Variants in GARIN1A observed in about 807,000 individuals in gnomAD.
The protein encoded by GARIN1A is Golgi-associated RAB2 interactor protein 1A.
At chr7:128,682,048 T>G in the GARIN1A span, among the ~76,000 whole-genome samples, 1 of 152,190 alleles carries the variant, frequency 6.6e-6, no homozygotes. Flanking sequence ...TCAGGAATCA[T>G]CCTCTCATAT....
the GARIN1A span, among the ~76,000 whole-genome samples, chr7:128,694,419 A>G: frequency 6.6e-6 from 1 of 151,786 alleles, no homozygotes; most frequent in South Asian, 2.1e-4. Flanking sequence ...TGTAATCCCA[A>G]CTACTCGGGA....
At chr7:128,672,948 T>A in the GARIN1A span, among the ~76,000 whole-genome samples, 10 of 152,170 alleles carry the variant, frequency 6.6e-5, no homozygotes, top group Non-Finnish European at 1.3e-4. Context: ...AACAGCCTTG[T>A]TTGAAAGCAA....
the GARIN1A span, among the ~76,000 whole-genome samples, chr7:128,706,219 TC>T: frequency 6.6e-6 from 1 of 152,198 alleles, no homozygotes; most frequent in Admixed American, 6.5e-5. Context: ...TTCCTTCCTT[TC>T]TGGCAAACAA....
the GARIN1A span, among the ~76,000 whole-genome samples, chr7:128,695,815 A>G: frequency 1.3e-5 from 2 of 152,200 alleles, no homozygotes; most frequent in Non-Finnish European, 2.9e-5. This position sits in a 1 kb window ranked among gnomAD's most constrained non-coding sequence, Gnocchi z 4.5. Flanking sequence ...AAGTGTTGAG[A>G]TTACAGGTGT....
chr7:128,707,645 G>T, the GARIN1A span, among the ~76,000 whole-genome samples: 2 of 152,114 alleles, frequency 1.3e-5, no homozygotes, highest in African/African-American at 4.8e-5. Flanking sequence ...TAGAGATGGG[G>T]TCTCACTATG....
the GARIN1A span, among the ~76,000 whole-genome samples, chr7:128,678,278 C>T: frequency 1.3e-5 from 2 of 152,036 alleles, no homozygotes; most frequent in Non-Finnish European, 2.9e-5. Context: ...ACCTTGGCCT[C>T]CCAAAGTGCT....
chr7:128,679,632 T>C, the GARIN1A span, among the ~76,000 whole-genome samples: 3 of 152,194 alleles, frequency 2.0e-5, no homozygotes, highest in Non-Finnish European at 4.4e-5. Flanking sequence ...CTGCTTGGTG[T>C]AGAAGCACAG....
At chr7:128,689,481 C>T in the GARIN1A span, among the ~76,000 whole-genome samples, 1 of 151,214 alleles carries the variant, frequency 6.6e-6, no homozygotes, top group East Asian at 2.0e-4. Flanking sequence ...TCTGCCTGGC[C>T]GCCCCATCTG....
chr7:128,681,155 G>C, the GARIN1A span, among the ~76,000 whole-genome samples: 2 of 152,184 alleles, frequency 1.3e-5, no homozygotes, highest in African/African-American at 4.8e-5. Flanking sequence ...GGCTCTCTCT[G>C]AGAATATAAA....
the GARIN1A span, chr7:128,685,525 A>G: frequency 6.6e-6 from 1 of 152,236 alleles, no homozygotes; most frequent in Admixed American, 6.5e-5. Flanking sequence ...TGAGCAGTCA[A>G]ATCTGGCTGA....
At chr7:128,701,722 T>C in the GARIN1A span, among the ~76,000 whole-genome samples, 1 of 151,932 alleles carries the variant, frequency 6.6e-6, no homozygotes, top group African/African-American at 2.4e-5. Flanking sequence ...GGTTGTTCAC[T>C]GAAACTAGGG....
the GARIN1A span, among the ~76,000 whole-genome samples, chr7:128,682,539 G>A: frequency 6.6e-6 from 1 of 152,082 alleles, no homozygotes; most frequent in Admixed American, 6.6e-5. Context: ...TTAAAGCACT[G>A]GAGCTGGAAA....
At chr7:128,672,622 T>G in the GARIN1A span, 6 of 539,950 alleles carry the variant, frequency 1.1e-5, no homozygotes, top group Non-Finnish European at 1.0e-5. Context: ...GGTTAGGAGA[T>G]GCTGTGGCCT....
chr7:128,708,471 T>C, the GARIN1A span, among the ~76,000 whole-genome samples: 1 of 152,280 alleles, frequency 6.6e-6, no homozygotes, highest in Middle Eastern at 3.4e-3. Context: ...CAGCTGGGCT[T>C]TTCTGTCTCT....
chr7:128,707,500 T>C, the GARIN1A span, among the ~76,000 whole-genome samples: 1 of 152,170 alleles, frequency 6.6e-6, no homozygotes, highest in Non-Finnish European at 1.5e-5. Flanking sequence ...GGTCTTTCTC[T>C]GTCACCCAGG....
the GARIN1A span, among the ~76,000 whole-genome samples, chr7:128,705,625 C>G: frequency 6.8e-6 from 1 of 147,764 alleles, no homozygotes; most frequent in Non-Finnish European, 1.5e-5. Context: ...AGCCGCAACA[C>G]TGATGGCGCC....
the GARIN1A span, among the ~76,000 whole-genome samples, chr7:128,697,960 C>A: frequency 1.3e-5 from 2 of 152,142 alleles, no homozygotes; most frequent in South Asian, 4.1e-4. Flanking sequence ...CTACTGCATT[C>A]TGGGTACAAG....
the GARIN1A span, chr7:128,686,002 C>G: frequency 1.3e-5 from 2 of 152,206 alleles, no homozygotes; most frequent in Admixed American, 1.3e-4. Flanking sequence ...ATCACGAGGT[C>G]AGAAGTTTGA....
the GARIN1A span, chr7:128,675,532 A>G: frequency 5.2e-5 from 40 of 770,930 alleles, no homozygotes; most frequent in Non-Finnish European, 3.0e-5. Context: ...TGGGGAGGCC[A>G]ATGAAAAGGA....
Sources: gnomAD v4.1 joint callset for allele counts (sites outside exome capture counted in the v4.1 genomes callset) on GRCh38, gnomAD v4.1.1 for gene constraint, Gnocchi (gnomAD v3.1) non-coding constraint, MANE v1.5 for transcripts, NCBI Gene and HGNC (gene_info 2026-07-23, HGNC 2026-07-21) for gene names.